MAP3K19: variants seen among roughly 807,000 people sequenced by gnomAD.
MAP3K19 encodes SPS1/STE20-related protein kinase YSK4.
A neutral mutation model predicts 114.4 loss-of-function variants in MAP3K19; 91 were observed. That is an observed-to-expected ratio of 0.80 (90% CI 0.67 to 0.95). The LOEUF (loss-of-function observed/expected upper bound fraction) is 0.95, where lower values mean the gene tolerates loss of function less well. Among genes scored for constraint, MAP3K19 ranks in the 40% least tolerant of loss-of-function variants. The pLI is 0.00. For missense variants in MAP3K19, 1,471 were observed against 1,573.2 expected, an observed-to-expected ratio of 0.94 and a Z score of 1.10; for synonymous variants, 518 against 530.5, an observed-to-expected ratio of 0.98 and a Z score of 0.32.
intron 4 of MAP3K19, 78 bp downstream of exon 4, chr2:135,024,548 A>G (rs1396621526): frequency 7.7e-7 from 1 of 1,305,136 alleles, no homozygotes; most frequent in African/African-American, 1.5e-5. Context: ...GGATCCATCA[A>G]ACAGATGTAG....
chr2:134,966,717 G>C lies in MAP3K19; in HGVS notation c.3921-1801C>G, dbSNP rs28445029. On this transcript the variant is annotated intron_variant, in intron 12 of 12. Coordinates refer to ENST00000392915, the MANE Select transcript of MAP3K19 (RefSeq NM_025052.5). Reference sequence around the variant, plus strand: ...TGTGCCTCCAGCCCTGCAGTGTGAGGTTGCAGTCCTGTGGGCTCCACAGAC... The same window carrying C: ...TGTGCCTCCAGCCCTGCAGTGTGAGCTTGCAGTCCTGTGGGCTCCACAGAC... 0.021 allele frequency among the ~76,000 whole-genome samples: 3,259 copies of C among 152,208 alleles called. 180 individuals are homozygous for C. In the East Asian group the frequency reaches 0.27, roughly 13 times the overall value.
In MAP3K19 at chr2:135,000,002, AG is replaced by A. The variant is rs1232026475; in HGVS notation, c.248del (p.Thr83MetfsTer2). On this transcript the variant is annotated frameshift_variant, in exon 7 of 13. Transcript: ENST00000392915. LOFTEE classifies it high-confidence loss of function. ...GACTGACATCTCTTGGAAAAGTTAC[AG>A]TGATCTCAACACCTGTAGAAACATA... Reference protein sequence around the residue: ...WQPRTEGVEITVTFPRDVSPP... With the variant: ...WQPRTEGVEIXVTFPRDVSPP... 3 of 1,609,648 alleles carry A rather than the reference AG, an allele frequency of 1.9e-6. No individual in the cohort carries two copies. In the African/African-American group the frequency reaches 4.0e-5, roughly 22 times the overall value.
At chr2:135,045,400 T>C (rs1293701156) in intron 1 of MAP3K19, among the ~76,000 whole-genome samples, 1 of 152,348 alleles carries the variant, frequency 6.6e-6, no homozygotes, top group East Asian at 1.9e-4. Flanking sequence ...AGTAAATTGC[T>C]TTGTAACTTA....
In MAP3K19 at chr2:134,964,717, A is replaced by G; in HGVS notation, c.*133T>C. 1.7e-6 allele frequency: 1 copy of G among 571,678 alleles called. No individual in the cohort carries two copies. Among genetic ancestry groups the G allele is most frequent in the South Asian group, 2.9e-5 (1 of 34,202 alleles). The allele number at this position is 571,678 out of a possible 1,614,324, so 35.4% of individuals were successfully genotyped here. ...ATGTAACTGCAACTTTCAGTTAATG[A>G]CTCCATAGGATCTGCTTAAACTGGG... On this transcript the variant is annotated 3_prime_UTR_variant, in exon 13 of 13. Transcript: ENST00000392915.
In MAP3K19 at chr2:135,034,267, G is replaced by A. The variant is rs1473528941; in HGVS notation, c.-283-3767C>T. Among the ~76,000 whole-genome samples, 29 of 130,028 alleles carry A rather than the reference G, an allele frequency of 2.2e-4. 8 individuals carry two copies. The highest frequency in any genetic ancestry group is 9.6e-4 in the African/African-American group (27 of 28,126). The allele number at this position is 130,028 out of a possible 152,430, so 85.3% of individuals were successfully genotyped here. A position where few individuals can be genotyped will look rare whatever the true frequency, so the allele number is the denominator to read the frequency against. ...GATGGGATGGCGGCCGGGCAGAGAC[G>A]CCCCTCACTTCCCAGACGGGATGGC... On this transcript the variant is annotated intron_variant, in intron 2 of 12. Transcript: ENST00000392915.
At chr2:135,009,014 C>T (rs186878517) in intron 5 of MAP3K19, among the ~76,000 whole-genome samples, 1 of 152,116 alleles carries the variant, frequency 6.6e-6, no homozygotes, top group Non-Finnish European at 1.5e-5. Context: ...TGCTGTGGTG[C>T]AATCTCGGCT....
chr2:134,985,857 T>A lies in MAP3K19; in HGVS notation c.3015A>T (p.Arg1005Ser). The A allele has an allele frequency of 6.2e-7, 1 of 1,613,850 alleles. No individual in the cohort carries two copies. The highest frequency in any genetic ancestry group is 8.5e-7 in the Non-Finnish European group (1 of 1,179,954). ...TTTCTTTTGGGGTACTTCCTCTCCA[T>A]CTGAGGACAAGATTTAGGTTTTCAG... ...TDPENLNLVLRWRGSTPKEMG... is the reference protein window; with the variant it reads ...TDPENLNLVLSWRGSTPKEMG... Residue 1005 changes from arginine (R) to serine (S), a missense_variant, in exon 10 of 13, where the codon AGA becomes AGT. Physicochemically the swap from Arg to Ser is moderately radical, Grantham distance 110. Transcript: ENST00000392915.
intron 12 of MAP3K19, among the ~76,000 whole-genome samples, chr2:134,972,362 T>C (rs1683938973): frequency 6.6e-6 from 1 of 152,208 alleles, no homozygotes. Flanking sequence ...TGTTTGTCTT[T>C]CTGATCCTGG....
chr2:135,013,331 A>T (rs1687367780), intron 5 of MAP3K19, among the ~76,000 whole-genome samples: 1 of 151,632 alleles, frequency 6.6e-6, no homozygotes, highest in African/African-American at 2.4e-5. Context: ...AAAAAGAAGA[A>T]GAAGAAGAAG....
intron 12 of MAP3K19, among the ~76,000 whole-genome samples, chr2:134,976,042 C>T (rs1167562864): frequency 6.6e-6 from 1 of 152,180 alleles, no homozygotes; most frequent in Non-Finnish European, 1.5e-5. Flanking sequence ...TGCAGGACAC[C>T]ATGTGTGCTA....
rs1002128343 is a variant in MAP3K19 at position 134,991,670 on chromosome 2, C to G, written c.575-90G>C. On this transcript the variant is annotated intron_variant, in intron 8 of 12. Transcript: ENST00000392915. ...GTCTGGGGATGGAGTAATACAGATGCTAAGGGGTCTGAGGAAAAGTTGTAG... is the reference window on the plus strand; with the variant it reads ...GTCTGGGGATGGAGTAATACAGATGGTAAGGGGTCTGAGGAAAAGTTGTAG... 18 of 1,033,578 alleles carry G rather than the reference C, an allele frequency of 1.7e-5. No individual in the cohort carries two copies. The African/African-American group carries it at 2.7e-4, about 15-fold the overall frequency. The allele number at this position is 1,033,578 out of a possible 1,614,324, so 64.0% of individuals were successfully genotyped here. A position where few individuals can be genotyped will look rare whatever the true frequency, so the allele number is the denominator to read the frequency against.
chr2:134,991,177 T>C (rs1685545930), intron 9 of MAP3K19, among the ~76,000 whole-genome samples: 2 of 151,958 alleles, frequency 1.3e-5, no homozygotes, highest in African/African-American at 4.8e-5. Context: ...GGCGGGTGCG[T>C]GTAGTCCCAG....
chr2:134,968,396 T>C lies in MAP3K19; in HGVS notation c.3921-3480A>G, dbSNP rs1240119777. ...TGGGTACACCTCCCAGACGGGGTGG[T>C]GGCCGGGCAGAGGGGCTCCTCACAT... On this transcript the variant is annotated intron_variant, in intron 12 of 12. Transcript: ENST00000392915. 4.0e-5 allele frequency among the ~76,000 whole-genome samples: 6 copies of C among 148,472 alleles called. No homozygotes were observed. The South Asian group carries it at 8.8e-4, about 22-fold the overall frequency.
chr2:134,984,207 C>G (rs1684925619), intron 10 of MAP3K19, among the ~76,000 whole-genome samples: 1 of 152,126 alleles, frequency 6.6e-6, no homozygotes, highest in South Asian at 2.1e-4. Flanking sequence ...CCTCAACTCT[C>G]TCCTCAAAAT....
At chr2:134,985,221 C>A (rs1437154198) in intron 10 of MAP3K19, among the ~76,000 whole-genome samples, 3 of 152,216 alleles carry the variant, frequency 2.0e-5, no homozygotes, top group Non-Finnish European at 2.9e-5. Flanking sequence ...AGAGCAATGG[C>A]CGAGTCTTGT....
chr2:135,030,177 TTA>T (rs1260039074), intron 3 of MAP3K19, 133 bp downstream of exon 3: 1 of 152,264 alleles, frequency 6.6e-6, no homozygotes, highest in Non-Finnish European at 1.5e-5. Flanking sequence ...CCTTTCTTTT[TTA>T]TATGTTTTGT....
At chr2:135,012,145 T>C (rs990941689) in intron 5 of MAP3K19, among the ~76,000 whole-genome samples, 1 of 152,166 alleles carries the variant, frequency 6.6e-6, no homozygotes, top group African/African-American at 2.4e-5. Flanking sequence ...AATTTCTCAG[T>C]CTCTGCACTG....
chr2:135,045,108 G>A lies in MAP3K19; in HGVS notation c.-424+2077C>T, dbSNP rs1477659448. Among the ~76,000 whole-genome samples the A allele has an allele frequency of 2.6e-5, 4 of 152,094 alleles. No homozygotes were observed. The East Asian group carries it at 7.7e-4, about 29-fold the overall frequency. On this transcript the variant is annotated intron_variant, in intron 1 of 12. Coordinates refer to ENST00000392915, the MANE Select transcript of MAP3K19 (RefSeq NM_025052.5). ...ATGCACCCTGTAAACGTTTCTCTGG[G>A]GCAAGTGGGTCGAATGGATTTAATT...
intron 3 of MAP3K19, among the ~76,000 whole-genome samples, chr2:135,028,196 G>A (rs189286990): frequency 5.3e-5 from 8 of 152,266 alleles, no homozygotes; most frequent in African/African-American, 1.9e-4. Flanking sequence ...AAAGTACTTA[G>A]CAGAGTGTCT....
Sources: allele counts gnomAD v4.1 joint callset (sites outside exome capture counted in the v4.1 genomes callset), GRCh38; gene constraint gnomAD v4.1.1; transcripts MANE v1.5; gene names NCBI Gene and HGNC (gene_info 2026-07-23, HGNC 2026-07-21).